The following SHANK2 variants were observed in gnomAD, a reference collection of about 807,000 sequenced individuals.
SHANK2 encodes SH3 and multiple ankyrin repeat domains 2.
Under a neutral mutation model 133.7 loss-of-function variants are expected in SHANK2, and 43 were observed. The ratio of observed to expected loss-of-function variants is 0.32; its 90% CI spans 0.25 to 0.41. The LOEUF (loss-of-function observed/expected upper bound fraction) is 0.41. SHANK2 is among the 10% of genes least tolerant of loss of function. The probability of loss-of-function intolerance (pLI) is 1.00; values close to 1 mark genes in which losing one functional copy is unlikely to be tolerated. For synonymous variants in SHANK2, 1,017 were observed against 952.8 expected, an observed-to-expected ratio of 1.07 and a Z score of -1.24; for missense variants, 1,994 against 2,235.8, an observed-to-expected ratio of 0.89 and a Z score of 2.18.
At chr11:70,951,852 A>G (rs537720590) in intron 10 of SHANK2, among the ~76,000 whole-genome samples, 7 of 152,196 alleles carry the variant, frequency 4.6e-5, no homozygotes, top group Non-Finnish European at 8.8e-5. Context: ...CATCACTCCA[A>G]TCTTGGCCTC....
intron 8 of SHANK2, among the ~76,000 whole-genome samples, chr11:71,085,329 G>T (rs1028756504): frequency 6.7e-6 from 1 of 150,358 alleles, no homozygotes; most frequent in Admixed American, 6.7e-5. Context: ...GGTGGCACAC[G>T]CCTCTAATCC....
chr11:70,625,099 A>C (rs986331464), intron 17 of SHANK2, among the ~76,000 whole-genome samples: 2 of 152,188 alleles, frequency 1.3e-5, no homozygotes, highest in Non-Finnish European at 2.9e-5. Flanking sequence ...GTTATGGTTT[A>C]TTACAGCAAA....
Position 70,473,581 on chromosome 11 carries a change from G to C in SHANK2, c.4980-142C>G, listed in dbSNP as rs2058625417. 6.5e-6 allele frequency: 5 copies of C among 774,874 alleles called. No individual in the cohort carries two copies. The East Asian group carries it at 1.4e-4, about 21-fold the overall frequency. The allele number at this position is 774,874 out of a possible 1,614,324, so 48.0% of individuals were successfully genotyped here. On this transcript the variant is annotated intron_variant, in intron 25 of 25. Coordinates refer to ENST00000601538, the MANE Select transcript of SHANK2 (RefSeq NM_012309.5). This position sits in a 1 kb window ranked among gnomAD's most constrained non-coding sequence, Gnocchi z 5.9. ...GCAGATCCACTGGCAGTGAACGAAT[G>C]ATTTGCCATGCCAGGGTGGGGGAGG...
chr11:71,160,850 A>G (rs1590973216), intron 2 of SHANK2, among the ~76,000 whole-genome samples: 1 of 152,342 alleles, frequency 6.6e-6, no homozygotes, highest in South Asian at 2.1e-4. Flanking sequence ...CTTAAATGAC[A>G]GTCCACGTTG....
At chr11:70,703,938 T>A (rs1435178527) in intron 14 of SHANK2, among the ~76,000 whole-genome samples, 1 of 152,198 alleles carries the variant, frequency 6.6e-6, no homozygotes, top group Non-Finnish European at 1.5e-5. Context: ...CTCCTGCAGT[T>A]CCCATGGGAG....
intron 11 of SHANK2, among the ~76,000 whole-genome samples, chr11:70,860,305 T>G (rs889355618): frequency 6.6e-6 from 1 of 152,196 alleles, no homozygotes; most frequent in Non-Finnish European, 1.5e-5. Flanking sequence ...CAGACTCTCA[T>G]CAGCCTGAAT....
chr11:71,133,279 T>TGGATGGCC (rs1565470071), intron 3 of SHANK2, among the ~76,000 whole-genome samples: 1 of 128,888 alleles, frequency 7.8e-6, no homozygotes, highest in Non-Finnish European at 1.7e-5. Context: ...GATGGATGGA[T>TGGATGGCC]GGCCGGCCGG....
At chr11:70,872,286 G>A (rs1949479241) in intron 11 of SHANK2, 1 of 154,698 alleles carries the variant, frequency 6.5e-6, no homozygotes. Flanking sequence ...ATTGAAGGTA[G>A]GGAACTCTGT....
chr11:71,079,616 C>T lies in SHANK2; in HGVS notation c.913-4341G>A, dbSNP rs963789999. 1.9e-4 allele frequency among the ~76,000 whole-genome samples: 28 copies of T among 150,948 alleles called. 1 individual carries two copies. Among genetic ancestry groups the T allele is most frequent in the African/African-American group, 6.1e-4 (25 of 41,118 alleles). Reference sequence around the variant, plus strand: ...TCTACTAAAAATACAAAAAATTAGCCGGGTGTGGTGGCGGGTGCCTGTAGT... The same window carrying T: ...TCTACTAAAAATACAAAAAATTAGCTGGGTGTGGTGGCGGGTGCCTGTAGT... On this transcript the variant is annotated intron_variant, in intron 8 of 25. Transcript: ENST00000601538.
At chr11:70,905,546 G>C (rs1467104518) in intron 10 of SHANK2, among the ~76,000 whole-genome samples, 1 of 152,200 alleles carries the variant, frequency 6.6e-6, no homozygotes, top group East Asian at 1.9e-4. Flanking sequence ...CAGTGTGAGG[G>C]TGTTAGGAGC....
intron 2 of SHANK2, among the ~76,000 whole-genome samples, chr11:71,168,360 G>C (rs1590981945): frequency 6.9e-6 from 1 of 144,266 alleles, no homozygotes; most frequent in South Asian, 2.3e-4. Flanking sequence ...CAGGCAGAGG[G>C]GCTCCTCACA....
In SHANK2 at chr11:70,745,519, G is replaced by A. The variant is rs184609693; in HGVS notation, c.1778-46756C>T. On this transcript the variant is annotated intron_variant, in intron 14 of 25. Transcript: ENST00000601538. ...TGGCTGTGTCCCTTGGCTCTGTCCCGCCCCTATGAGTGGTCCTGCCACTGT... is the reference window on the plus strand; with the variant it reads ...TGGCTGTGTCCCTTGGCTCTGTCCCACCCCTATGAGTGGTCCTGCCACTGT... Among the ~76,000 whole-genome samples the A allele has an allele frequency of 4.6e-4, 70 of 152,256 alleles. 1 individual carries two copies. The highest frequency in any genetic ancestry group is 1.2e-3 in the African/African-American group (49 of 41,542).
intron 14 of SHANK2, among the ~76,000 whole-genome samples, chr11:70,766,530 A>G (rs1947127501): frequency 6.6e-6 from 1 of 152,182 alleles, no homozygotes; most frequent in Non-Finnish European, 1.5e-5. Flanking sequence ...ATGCTTTCGA[A>G]TTACAGAACA....
intron 14 of SHANK2, among the ~76,000 whole-genome samples, chr11:70,761,280 G>C (rs1423426493): frequency 1.3e-5 from 2 of 152,154 alleles, no homozygotes; most frequent in Non-Finnish European, 2.9e-5. Flanking sequence ...AGAGATAAGA[G>C]AGTCCCAGTC....
chr11:70,501,054 G>A (rs1332960919), intron 20 of SHANK2, among the ~76,000 whole-genome samples: 2 of 146,476 alleles, frequency 1.4e-5, no homozygotes, highest in Non-Finnish European at 2.9e-5. Context: ...TCCCTCTGGG[G>A]AGCCCCAGGA....
intron 17 of SHANK2, among the ~76,000 whole-genome samples, chr11:70,592,001 C>T (rs1475622328): frequency 6.6e-6 from 1 of 151,772 alleles, no homozygotes; most frequent in Non-Finnish European, 1.5e-5. Context: ...CCATCGCACT[C>T]CAGTCTGGGC....
intron 8 of SHANK2, among the ~76,000 whole-genome samples, chr11:71,091,185 A>T (rs542652046): frequency 4.8e-4 from 73 of 152,336 alleles, no homozygotes; most frequent in African/African-American, 1.7e-3. Context: ...TCCAAAGACC[A>T]GTCATTACTG....
rs114732376 is a variant in SHANK2, at chr11:70,849,897, A to G, written c.1175-29215T>C. Among the ~76,000 whole-genome samples the G allele has an allele frequency of 6.6e-3, 1,002 of 152,330 alleles. 11 individuals carry two copies. The highest frequency in any genetic ancestry group is 0.022 in the African/African-American group (905 of 41,576). On this transcript the variant is annotated intron_variant, in intron 11 of 25. Transcript: ENST00000601538. ...ATTTTTAAGTGTACAGGTCAGTGAC[A>G]TCAAGTATATTCACAGTGTTAGGTG...
chr11:70,481,496 C>T (rs1377362613), intron 25 of SHANK2, among the ~76,000 whole-genome samples: 1 of 152,208 alleles, frequency 6.6e-6, no homozygotes, highest in Non-Finnish European at 1.5e-5. Flanking sequence ...GGGTCAAGTT[C>T]AGCTGAGGTT....
Sources: gnomAD v4.1 joint callset for allele counts (sites outside exome capture counted in the v4.1 genomes callset) on GRCh38, gnomAD v4.1.1 for gene constraint, Gnocchi (gnomAD v3.1) non-coding constraint, MANE v1.5 for transcripts, NCBI Gene and HGNC (gene_info 2026-07-23, HGNC 2026-07-21) for gene names.